Variants in SLC17A9 observed in about 807,000 individuals in gnomAD.
The protein encoded by SLC17A9 is solute carrier family 17 member 9, also known as voltage-gated purine nucleotide uniporter SLC17A9.
A neutral mutation model predicts 55.0 loss-of-function variants in SLC17A9; 49 were observed. That is an observed-to-expected ratio of 0.89 (90% CI 0.71 to 1.13). The LOEUF (loss-of-function observed/expected upper bound fraction) is 1.13. Ranked by LOEUF, SLC17A9 falls within the 50% of genes most tolerant of loss-of-function variation. The probability of loss-of-function intolerance (pLI) is 0.00; values close to 1 mark genes in which losing one functional copy is unlikely to be tolerated. For missense variants in SLC17A9, 526 were observed against 569.3 expected (o/e 0.92, Z 0.77); for synonymous variants, 256 against 247.4 (o/e 1.03, Z -0.32).
rs977985736 is a variant in SLC17A9, at chr20:62,958,392, C to T, written c.397+812C>T. On this transcript the variant is annotated intron_variant, in intron 3 of 12. Coordinates refer to ENST00000370351, the MANE Select transcript of SLC17A9 (RefSeq NM_022082.4). This position sits in a 1 kb window ranked among gnomAD's most constrained non-coding sequence, Gnocchi z 4.1. The stretch of plus-strand genomic sequence containing the variant: ...TGCCTCCGATACTAGGGCCTTGGAG[C>T]GCCTTAACTGTCAGGAGAACAAGGT... 6.6e-6 allele frequency among the ~76,000 whole-genome samples: 1 copy of T among 151,770 alleles called. No homozygotes were observed. The highest frequency in any genetic ancestry group is 2.4e-5 in the African/African-American group (1 of 41,330).
chr20:62,967,687 TC>T lies in SLC17A9; in HGVS notation c.*189del. The T allele has an allele frequency of 1.7e-6, 1 of 579,870 alleles. No individual in the cohort carries two copies. Among genetic ancestry groups the T allele is most frequent in the Admixed American group, 3.2e-5 (1 of 31,154 alleles). The allele number at this position is 579,870 out of a possible 1,614,324, so 35.9% of individuals were successfully genotyped here. On this transcript the variant is annotated 3_prime_UTR_variant, in exon 13 of 13. Coordinates refer to ENST00000370351, the MANE Select transcript of SLC17A9 (RefSeq NM_022082.4). Reference sequence around the variant, plus strand: ...GGTGGGAGGGTGGGGTGGGCCTGGGTCCAGACCAGGCTCGCTGCTCTCTGGG... The same window carrying T: ...GGTGGGAGGGTGGGGTGGGCCTGGGTCAGACCAGGCTCGCTGCTCTCTGGG...
intron 6 of SLC17A9, 37 bp from the exon 7 acceptor site, chr20:62,963,547 C>G (rs766557752): frequency 2.6e-6 from 4 of 1,562,928 alleles, no homozygotes; most frequent in Middle Eastern, 1.7e-4. Flanking sequence ...CCAGCTCGTG[C>G]GGCACCAGAG....
chr20:62,963,855 G>A lies in SLC17A9; in HGVS notation c.822+175G>A, dbSNP rs115522622. ...TGGAGAGGACCCCGTCCATGCTCGG[G>A]GCAGGTTTCTGTGTTTGAGGCTGGA... On this transcript the variant is annotated intron_variant, in intron 7 of 12. Transcript: ENST00000370351. 620 of 641,370 alleles carry A rather than the reference G, an allele frequency of 9.7e-4. 3 individuals are homozygous for A. The African/African-American group carries it at 0.01, about 11-fold the overall frequency. The allele number at this position is 641,370 out of a possible 1,614,324, so 39.7% of individuals were successfully genotyped here.
intron 8 of SLC17A9, 68 bp downstream of exon 8, chr20:62,964,383 A>G (rs2065616961): frequency 2.0e-6 from 3 of 1,498,992 alleles, no homozygotes; most frequent in Non-Finnish European, 2.8e-6. Flanking sequence ...GAGGGGCAGG[A>G]TGCTCCCATC....
chr20:62,966,986 G>A lies in SLC17A9; in HGVS notation c.1147+254G>A, dbSNP rs1283537061. The A allele has an allele frequency of 8.5e-6, 5 of 587,434 alleles. No homozygotes were observed. In the East Asian group the frequency reaches 1.5e-4, roughly 17 times the overall value. The allele number at this position is 587,434 out of a possible 1,614,324, so 36.4% of individuals were successfully genotyped here. A position where few individuals can be genotyped will look rare whatever the true frequency, so the allele number is the denominator to read the frequency against. On this transcript the variant is annotated intron_variant, in intron 12 of 12. Coordinates refer to ENST00000370351, the MANE Select transcript of SLC17A9 (RefSeq NM_022082.4). ...TATGTTCCCATCCTGGTAGCCCAGG[G>A]TCCCCGGGACACCTCCTGGCCCCGC... is the stretch of plus-strand genomic sequence containing the variant.
intron 1 of SLC17A9, among the ~76,000 whole-genome samples, chr20:62,955,249 G>A (rs569772772): frequency 6.6e-6 from 1 of 151,786 alleles, no homozygotes; most frequent in African/African-American, 2.4e-5. Flanking sequence ...CCAGGTTCAA[G>A]CGATTCTCCT....
intron 8 of SLC17A9, among the ~76,000 whole-genome samples, chr20:62,964,716 C>T (rs768539608): frequency 3.9e-5 from 6 of 152,260 alleles, no homozygotes; most frequent in African/African-American, 1.4e-4. Flanking sequence ...CACGTACAGG[C>T]GGATGCACAC....
chr20:62,960,147 A>C (rs1478282353), intron 3 of SLC17A9, among the ~76,000 whole-genome samples: 2 of 152,192 alleles, frequency 1.3e-5, no homozygotes, highest in Non-Finnish European at 2.9e-5. Context: ...GCCGGTGAAC[A>C]CGTGCGTGTG....
intron 1 of SLC17A9, among the ~76,000 whole-genome samples, chr20:62,955,481 TG>T (rs2065529586): frequency 6.6e-6 from 1 of 152,110 alleles, no homozygotes; most frequent in Admixed American, 6.6e-5. Context: ...TGTTTTGTTT[TG>T]TTTTTTTTTG....
At chr20:62,966,876 A>T (rs1248471109) in intron 12 of SLC17A9, 144 bp downstream of exon 12, 1 of 1,050,814 alleles carries the variant, frequency 9.5e-7, no homozygotes, top group African/African-American at 1.6e-5. Context: ...GGCCCAGGAG[A>T]GGAGGATGGG....
At chr20:62,953,829 C>T (rs62200667) in intron 1 of SLC17A9, among the ~76,000 whole-genome samples, 3,983 of 152,354 alleles carry the variant, frequency 0.026, 61 homozygotes, top group African/African-American at 0.034. Flanking sequence ...ATGAAGGGAG[C>T]GCTGGCTGCA....
intron 3 of SLC17A9, among the ~76,000 whole-genome samples, chr20:62,959,692 C>T (rs1369276644): frequency 1.3e-5 from 2 of 152,238 alleles, no homozygotes; most frequent in Non-Finnish European, 2.9e-5. Flanking sequence ...TGAGTGAGCG[C>T]TCTGCGGTTA....
Position 62,962,373 on chromosome 20 carries a change from G to A in SLC17A9, c.498-251G>A, listed in dbSNP as rs150496358. On this transcript the variant is annotated intron_variant, in intron 4 of 12. Transcript: ENST00000370351. This position sits in a 1 kb window ranked among gnomAD's most constrained non-coding sequence, Gnocchi z 5.5. ...AAACAATGTGAGTTCCACAGCAGCC[G>A]CCCGACTGGGACACATGCGTGGCTG... 1.8e-3 allele frequency: 654 copies of A among 355,298 alleles called. 1 individual carries two copies. The highest frequency in any genetic ancestry group is 2.6e-3 in the Non-Finnish European group (501 of 192,418). The allele number at this position is 355,298 out of a possible 1,614,324, so 22.0% of individuals were successfully genotyped here.
Position 62,967,526 on chromosome 20 carries a change from G to A in SLC17A9, c.*26G>A. 3.7e-6 allele frequency: 6 copies of A among 1,605,972 alleles called. No individual in the cohort carries two copies. The highest frequency in any genetic ancestry group is 5.1e-6 in the Non-Finnish European group (6 of 1,175,080). ...CTCCCAACCCCACAGCCTCTCCAAGGACCCAGGCGCCAGCAGCCCCAGGAC... is the reference window on the plus strand; with the variant it reads ...CTCCCAACCCCACAGCCTCTCCAAGAACCCAGGCGCCAGCAGCCCCAGGAC... On this transcript the variant is annotated 3_prime_UTR_variant, in exon 13 of 13. Coordinates refer to ENST00000370351, the MANE Select transcript of SLC17A9 (RefSeq NM_022082.4).
Position 62,962,891 on chromosome 20 carries a change from G to T in SLC17A9, c.628+137G>T, listed in dbSNP as rs1407909947. ...ACCTCCCAAAGAATCCGCCAGTGAG[G>T]AAAAGCGCTCGGGTGCTGAGCTGTC... On this transcript the variant is annotated intron_variant, in intron 5 of 12. Coordinates refer to ENST00000370351, the MANE Select transcript of SLC17A9 (RefSeq NM_022082.4). The surrounding 1 kb of genome is among the most constrained non-coding windows in gnomAD (Gnocchi z 5.5). The T allele has an allele frequency of 7.7e-7, 1 of 1,296,808 alleles. No homozygotes were observed. Among genetic ancestry groups the T allele is most frequent in the Non-Finnish European group, 1.1e-6 (1 of 947,546 alleles). The allele number at this position is 1,296,808 out of a possible 1,614,324, so 80.3% of individuals were successfully genotyped here.
chr20:62,953,557 A>G (rs1329707463), intron 1 of SLC17A9, among the ~76,000 whole-genome samples: 1 of 152,228 alleles, frequency 6.6e-6, no homozygotes, highest in Non-Finnish European at 1.5e-5. Flanking sequence ...CAGCCCCCAC[A>G]CTGCTGAACC....
At chr20:62,954,370 TGGCCC>T (rs1266717043) in intron 1 of SLC17A9, among the ~76,000 whole-genome samples, 1 of 152,230 alleles carries the variant, frequency 6.6e-6, no homozygotes, top group Non-Finnish European at 1.5e-5. Flanking sequence ...GCTGCTCGCC[TGGCCC>T]GGCCCCGCAC....
chr20:62,966,506 C>T lies in SLC17A9; in HGVS notation c.1062-19C>T, dbSNP rs1461563047. ...CGGTGGTGGCCAGGGCCACTCACCACCCTCTTTCCTCCCCACAGTGGCATT... is the reference window on the plus strand; with the variant it reads ...CGGTGGTGGCCAGGGCCACTCACCATCCTCTTTCCTCCCCACAGTGGCATT... On this transcript the variant is annotated intron_variant, in intron 10 of 12. Coordinates refer to ENST00000370351, the MANE Select transcript of SLC17A9 (RefSeq NM_022082.4). The T allele has an allele frequency of 1.2e-5, 20 of 1,613,494 alleles. No homozygotes were observed. Among genetic ancestry groups the T allele is most frequent in the Non-Finnish European group, 1.7e-5 (20 of 1,179,674 alleles).
In SLC17A9 at chr20:62,958,121, G is replaced by A. The variant is rs2065558397; in HGVS notation, c.397+541G>A. ...TATCCATGTGTATGTGCGTATGCGT[G>A]CCCATATGCGTGTGTACGTGCGTGA... On this transcript the variant is annotated intron_variant, in intron 3 of 12. Coordinates refer to ENST00000370351, the MANE Select transcript of SLC17A9 (RefSeq NM_022082.4). This position sits in a 1 kb window ranked among gnomAD's most constrained non-coding sequence, Gnocchi z 4.1. Among the ~76,000 whole-genome samples the A allele has an allele frequency of 6.6e-6, 1 of 152,156 alleles. No homozygotes were observed. Among genetic ancestry groups the A allele is most frequent in the South Asian group, 2.1e-4 (1 of 4,830 alleles).
Sources: allele counts gnomAD v4.1 joint callset (sites outside exome capture counted in the v4.1 genomes callset), GRCh38; gene constraint gnomAD v4.1.1; non-coding constraint Gnocchi (gnomAD v3.1); transcripts MANE v1.5; gene names NCBI Gene and HGNC (gene_info 2026-07-23, HGNC 2026-07-21).